Variants in PCDH9 observed in about 807,000 individuals in gnomAD.
PCDH9 encodes protocadherin-9.
In PCDH9, 24 loss-of-function variants were observed where a neutral mutation model predicts 70.6. The observed-to-expected ratio is 0.34, with a 90% CI of 0.25 to 0.48. The LOEUF is 0.48. Among genes scored for constraint, PCDH9 ranks in the 20% least tolerant of loss-of-function variants. The pLI, the probability that PCDH9 is intolerant of heterozygous loss-of-function variation, is 0.99. For missense variants in PCDH9, 1,281 were observed against 1,503.6 expected, an observed-to-expected ratio of 0.85 and a Z score of 2.45; for synonymous variants, 562 against 558.5, an observed-to-expected ratio of 1.01 and a Z score of -0.09.
At chr13:66,781,930 C>T (rs950779149) in intron 3 of PCDH9, among the ~76,000 whole-genome samples, 1 of 152,018 alleles carries the variant, frequency 6.6e-6, no homozygotes, top group Non-Finnish European at 1.5e-5. Flanking sequence ...CCCCAAACAC[C>T]TGTGGTTCTT....
chr13:66,531,286 G>A (rs1960442410), intron 4 of PCDH9, among the ~76,000 whole-genome samples: 1 of 151,942 alleles, frequency 6.6e-6, no homozygotes, highest in African/African-American at 2.4e-5. Context: ...TTTGAGACTG[G>A]GAGGATGCAT....
intron 3 of PCDH9, among the ~76,000 whole-genome samples, chr13:66,788,549 T>C (rs1430255402): frequency 6.6e-6 from 1 of 152,040 alleles, no homozygotes; most frequent in Admixed American, 6.6e-5. Flanking sequence ...GTTCCTAATA[T>C]TAGGTTTTGG....
chr13:66,803,972 G>A (rs770463001), intron 3 of PCDH9, among the ~76,000 whole-genome samples: 1 of 152,102 alleles, frequency 6.6e-6, no homozygotes, highest in East Asian at 1.9e-4. Flanking sequence ...GGGTGCCAGG[G>A]GCTACTAGAA....
chr13:66,769,765 A>G (rs1302374047), intron 3 of PCDH9, among the ~76,000 whole-genome samples: 1 of 152,140 alleles, frequency 6.6e-6, no homozygotes, highest in Non-Finnish European at 1.5e-5. Context: ...AGAATTGTAG[A>G]GCCTAAGGGA....
intron 2 of PCDH9, among the ~76,000 whole-genome samples, chr13:67,188,104 A>G (rs1020309895): frequency 1.3e-5 from 2 of 152,136 alleles, no homozygotes; most frequent in African/African-American, 4.8e-5. Context: ...CCAATAAGAC[A>G]ATTTATATGT....
chr13:66,475,503 A>G (rs1169953701), intron 4 of PCDH9, among the ~76,000 whole-genome samples: 2 of 152,130 alleles, frequency 1.3e-5, no homozygotes, highest in Non-Finnish European at 2.9e-5. Flanking sequence ...ACCATTTGGA[A>G]GTAACATACT....
At chr13:66,800,236 C>T (rs985775162) in intron 3 of PCDH9, among the ~76,000 whole-genome samples, 5 of 152,060 alleles carry the variant, frequency 3.3e-5, no homozygotes, top group Non-Finnish European at 7.4e-5. Flanking sequence ...TGCCCTCTCA[C>T]CCCCAGCCCG....
chr13:66,731,866 A>T (rs1350820222), intron 3 of PCDH9, among the ~76,000 whole-genome samples: 3 of 152,052 alleles, frequency 2.0e-5, no homozygotes, highest in Admixed American at 2.0e-4. Context: ...AATAAAATTG[A>T]TATACTGTAT....
At chr13:66,446,965 G>A (rs974954103) in intron 4 of PCDH9, among the ~76,000 whole-genome samples, 2 of 151,974 alleles carry the variant, frequency 1.3e-5, no homozygotes, top group African/African-American at 4.8e-5. Context: ...ACTTTAAAAT[G>A]ATAACTTTAA....
chr13:66,621,114 T>G (rs2077416267), intron 4 of PCDH9, among the ~76,000 whole-genome samples: 1 of 152,210 alleles, frequency 6.6e-6, no homozygotes, highest in Non-Finnish European at 1.5e-5. Context: ...CTAGGGTGAT[T>G]CCTCATGATC....
At chr13:66,544,920 T>C (rs1287938161) in intron 4 of PCDH9, among the ~76,000 whole-genome samples, 1 of 152,186 alleles carries the variant, frequency 6.6e-6, no homozygotes, top group Non-Finnish European at 1.5e-5. Flanking sequence ...CTCAGCAGGG[T>C]TGTGAACAGA....
chr13:66,809,978 A>G (rs2080475153), intron 3 of PCDH9, among the ~76,000 whole-genome samples: 1 of 152,168 alleles, frequency 6.6e-6, no homozygotes, highest in South Asian at 2.1e-4. Context: ...AAGACCCAGC[A>G]ATAAAACAGG....
At chr13:66,930,902 C>T (rs1227876464) in intron 2 of PCDH9, among the ~76,000 whole-genome samples, 1 of 152,054 alleles carries the variant, frequency 6.6e-6, no homozygotes, top group Non-Finnish European at 1.5e-5. Context: ...AGCACACATA[C>T]AAGTGGTGAA....
At chr13:66,779,873 A>ATGTGTGTGTGTGTGTG (rs35090227) in intron 3 of PCDH9, among the ~76,000 whole-genome samples, 12 of 115,876 alleles carry the variant, frequency 1.0e-4, no homozygotes, top group African/African-American at 3.4e-4. Flanking sequence ...ATATACATAT[A>ATGTGTGTGTGTGTGTG]TGTGTGTGTG....
intron 4 of PCDH9, among the ~76,000 whole-genome samples, chr13:66,490,832 C>T (rs779517738): frequency 6.6e-6 from 1 of 151,928 alleles, no homozygotes; most frequent in Non-Finnish European, 1.5e-5. Flanking sequence ...AGCCTTTTTT[C>T]TCATAGGTAA....
chr13:66,792,703 C>T (rs760829151), intron 3 of PCDH9, among the ~76,000 whole-genome samples: 1 of 152,006 alleles, frequency 6.6e-6, no homozygotes, highest in Non-Finnish European at 1.5e-5. Flanking sequence ...GCCAAGAAAA[C>T]CCACCAAATC....
intron 4 of PCDH9, among the ~76,000 whole-genome samples, chr13:66,458,362 A>G (rs943421345): frequency 3.3e-5 from 5 of 152,178 alleles, no homozygotes; most frequent in African/African-American, 4.8e-5. Context: ...TCAAAAGAAT[A>G]TTTTATTTTT....
At chr13:66,354,187 A>G (rs1322096777) in intron 4 of PCDH9, among the ~76,000 whole-genome samples, 1 of 152,166 alleles carries the variant, frequency 6.6e-6, no homozygotes, top group Non-Finnish European at 1.5e-5. Context: ...GTTGGAAACA[A>G]TAAGATTAAA....
rs1297273767 is a variant in PCDH9 at position 66,370,588 on chromosome 13, C to T, written c.3341-65560G>A. Among the ~76,000 whole-genome samples the T allele has an allele frequency of 2.0e-5, 3 of 149,872 alleles. No individual in the cohort carries two copies. In the Admixed American group the frequency reaches 2.0e-4, roughly 10 times the overall value. On this transcript the variant is annotated intron_variant, in intron 4 of 4. Transcript: ENST00000377865. ...TGCAGTGGTGTGATCATGTCTCGCT[C>T]TATCCTTGAATGCCCAGGCTCAAGG...
Sources: gnomAD v4.1 joint callset for allele counts (sites outside exome capture counted in the v4.1 genomes callset) on GRCh38, gnomAD v4.1.1 for gene constraint, MANE v1.5 for transcripts, NCBI Gene and HGNC (gene_info 2026-07-23, HGNC 2026-07-21) for gene names.